VPS4B: variants seen among roughly 807,000 people sequenced by gnomAD.
VPS4B encodes the protein vacuolar protein sorting-associated protein 4B.
In VPS4B, 23 loss-of-function variants were observed where a neutral mutation model predicts 56.1. The observed-to-expected ratio is 0.41, with a 90% confidence interval of 0.30 to 0.58. VPS4B has a LOEUF of 0.58. Ranked by LOEUF, VPS4B falls within the 20% of genes least tolerant of loss-of-function variation. The pLI is 0.29. For synonymous variants in VPS4B, 177 were observed against 186.0 expected, an observed-to-expected ratio of 0.95 and a Z score of 0.39; for missense variants, 372 against 531.9, an observed-to-expected ratio of 0.70 and a Z score of 2.96.
At chr18:63,413,920 T>TA (rs1337236376) in intron 1 of VPS4B, among the ~76,000 whole-genome samples, 6 of 152,326 alleles carry the variant, frequency 3.9e-5, no homozygotes, top group Admixed American at 3.3e-4. Flanking sequence ...ATGTAATAGT[T>TA]ACGTATCTCA....
chr18:63,422,157 TC>T, intron 1 of VPS4B, 75 bp downstream of exon 1: 2 of 1,373,140 alleles, frequency 1.5e-6, no homozygotes, highest in Non-Finnish European at 9.5e-7. Flanking sequence ...TCCTCCCTTC[TC>T]CCCGCCCCCC....
chr18:63,399,109 G>A (rs1915752928), intron 8 of VPS4B, 133 bp downstream of exon 8: 6 of 681,500 alleles, frequency 8.8e-6, no homozygotes, highest in Non-Finnish European at 1.4e-5. Flanking sequence ...CAAGGCAGGG[G>A]AGCAACAGGG....
At chr18:63,399,484 C>T (rs764446112) in intron 7 of VPS4B, among the ~76,000 whole-genome samples, 161 bp from the exon 8 acceptor site, 1 of 152,142 alleles carries the variant, frequency 6.6e-6, no homozygotes, top group African/African-American at 2.4e-5. Context: ...TATCACCTTA[C>T]GGCAATATGA....
chr18:63,397,006 T>C, intron 9 of VPS4B, 28 bp downstream of exon 9: 8 of 1,539,676 alleles, frequency 5.2e-6, no homozygotes, highest in Non-Finnish European at 7.1e-6. Flanking sequence ...AAAAAAAAGA[T>C]AGGAAAGGAT....
At chr18:63,408,341 T>A (rs1915962196) in intron 3 of VPS4B, among the ~76,000 whole-genome samples, 1 of 152,198 alleles carries the variant, frequency 6.6e-6, no homozygotes, top group Non-Finnish European at 1.5e-5. Flanking sequence ...TGGAATTGCC[T>A]TGGTTATCAT....
rs766332141 is a variant in VPS4B at position 63,397,133 on chromosome 18, C to T, written c.993G>A (p.Arg331=). Residue 331 remains arginine (R), a synonymous_variant, in exon 9 of 11, where the codon AGG becomes AGA. Coordinates refer to ENST00000238497, the MANE Select transcript of VPS4B (RefSeq NM_004869.4). ...LTEADFRELG[R]KTDGYSGADI... is the part of the protein sequence containing the mutation. The stretch of plus-strand genomic sequence containing the variant: ...CTGCCCCTGAATAACCATCTGTTTT[C>T]CTCCCAAGTTCCCGAAAGTCTGCTT... The T allele has an allele frequency of 6.2e-7, 1 of 1,614,174 alleles. No individual in the cohort carries two copies. Among genetic ancestry groups the T allele is most frequent in the Non-Finnish European group, 8.5e-7 (1 of 1,180,044 alleles).
chr18:63,400,455 G>A (rs1915784802), intron 6 of VPS4B, 92 bp downstream of exon 6: 2 of 1,343,088 alleles, frequency 1.5e-6, no homozygotes, highest in Non-Finnish European at 2.0e-6. Flanking sequence ...TGACTTCTCT[G>A]AATATCTATA....
chr18:63,398,517 G>GC (rs1387942598), intron 8 of VPS4B, among the ~76,000 whole-genome samples: 1 of 151,412 alleles, frequency 6.6e-6, no homozygotes, highest in African/African-American at 2.4e-5. Context: ...ACCACACCCG[G>GC]CCTGACATAT....
intron 9 of VPS4B, among the ~76,000 whole-genome samples, chr18:63,394,679 C>T (rs1915630443): frequency 6.6e-6 from 1 of 152,110 alleles, no homozygotes; most frequent in African/African-American, 2.4e-5. Flanking sequence ...GATGGCCAGG[C>T]TGGTCTCGAA....
At chr18:63,403,684 A>C in intron 5 of VPS4B, 23 bp downstream of exon 5, 1 of 1,584,164 alleles carries the variant, frequency 6.3e-7, no homozygotes, top group Non-Finnish European at 8.6e-7. Flanking sequence ...TCATGAAATA[A>C]AATTATTTAA....
intron 4 of VPS4B, among the ~76,000 whole-genome samples, chr18:63,405,683 T>C (rs1328660518): frequency 6.6e-6 from 1 of 152,090 alleles, no homozygotes; most frequent in Non-Finnish European, 1.5e-5. Context: ...ATCGGCCAAG[T>C]GCGGTGGCTC....
chr18:63,405,095 T>C (rs1315349296), intron 4 of VPS4B, among the ~76,000 whole-genome samples: 5 of 152,156 alleles, frequency 3.3e-5, no homozygotes, highest in African/African-American at 1.2e-4. Flanking sequence ...TTTGTTTTCA[T>C]ATATAATACT....
At chr18:63,393,291 CAAT>C in intron 10 of VPS4B, 115 bp downstream of exon 10, 1 of 938,486 alleles carries the variant, frequency 1.1e-6, no homozygotes, top group Non-Finnish European at 1.4e-6. Flanking sequence ...AATGAGTCAA[CAAT>C]ATTAAGTAAA....
chr18:63,405,469 A>C (rs1234139891), intron 4 of VPS4B, among the ~76,000 whole-genome samples: 2 of 152,178 alleles, frequency 1.3e-5, no homozygotes, highest in Admixed American at 1.3e-4. Context: ...CAAACCATTA[A>C]AAAGTAGAAA....
intron 9 of VPS4B, chr18:63,396,729 G>T: frequency 3.3e-6 from 1 of 303,766 alleles, no homozygotes; most frequent in South Asian, 4.2e-5. Context: ...AGGGCCAGGC[G>T]CAGTGGCTCA....
In VPS4B at chr18:63,422,475, C is replaced by T. The variant is rs1487788288; in HGVS notation, c.-216G>A. ...CAAACTTCCGCAATCCCGAGGCCCT[C>T]TAGGTTCTGGTCCCGCCTCTGCTCC... On this transcript the variant is annotated 5_prime_UTR_variant, in exon 1 of 11. Coordinates refer to ENST00000238497, the MANE Select transcript of VPS4B (RefSeq NM_004869.4). 1 of 393,432 alleles carries T rather than the reference C, an allele frequency of 2.5e-6. No homozygotes were observed. Among genetic ancestry groups the T allele is most frequent in the African/African-American group, 2.1e-5 (1 of 48,254 alleles). 24.4% of individuals were successfully genotyped at this position (393,432 alleles called of 1,614,324 possible). A position where few individuals can be genotyped will look rare whatever the true frequency, so the allele number is the denominator to read the frequency against.
At chr18:63,394,466 C>CTTCTTTTT (rs1915625487) in intron 9 of VPS4B, among the ~76,000 whole-genome samples, 1 of 151,192 alleles carries the variant, frequency 6.6e-6, no homozygotes. Flanking sequence ...CTTGGAGGCA[C>CTTCTTTTT]TTCTTTTTTT....
chr18:63,401,180 ATGACT>A, intron 5 of VPS4B, among the ~76,000 whole-genome samples: 1 of 152,232 alleles, frequency 6.6e-6, no homozygotes, highest in East Asian at 1.9e-4. Flanking sequence ...CAAAGTTTGG[ATGACT>A]TGTGAGTTTC....
Position 63,422,422 on chromosome 18 carries a change from T to A in VPS4B, c.-163A>T. 1 of 533,760 alleles carries A rather than the reference T, an allele frequency of 1.9e-6. No homozygotes were observed. Among genetic ancestry groups the A allele is most frequent in the Non-Finnish European group, 3.0e-6 (1 of 330,884 alleles). The allele number at this position is 533,760 out of a possible 1,614,324, so 33.1% of individuals were successfully genotyped here. ...CCGGAACTTGTTTTAGACAACACTC[T>A]CTCCACCAGAGCTCCGACCCTCCCC... On this transcript the variant is annotated 5_prime_UTR_variant, in exon 1 of 11. Transcript: ENST00000238497.
Sources: gnomAD v4.1 joint callset for allele counts (sites outside exome capture counted in the v4.1 genomes callset) on GRCh38, gnomAD v4.1.1 for gene constraint, MANE v1.5 for transcripts, NCBI Gene and HGNC (gene_info 2026-07-23, HGNC 2026-07-21) for gene names.